Variants in PLPP1 observed in about 807,000 individuals in gnomAD.
PLPP1 encodes phospholipid phosphatase 1.
PLPP1 carries 24 observed loss-of-function variants against 31.2 expected under a neutral mutation model. That is an observed-to-expected ratio of 0.77 (90% confidence interval 0.56 to 1.08). PLPP1 has a LOEUF of 1.08. PLPP1 is among the 50% of genes least tolerant of loss of function. The pLI is 0.00. For synonymous variants in PLPP1, 146 were observed against 126.3 expected (o/e 1.16, Z -1.05); for missense variants, 319 against 342.7 (o/e 0.93, Z 0.55).
intron 1 of PLPP1, chr5:55,530,151 A>C: frequency 1.6e-6 from 2 of 1,251,202 alleles, no homozygotes; most frequent in South Asian, 2.4e-5. Flanking sequence ...AGATGTCTAC[A>C]GCCTTCAGAT....
At chr5:55,503,117 C>A (rs1181817368) in intron 1 of PLPP1, among the ~76,000 whole-genome samples, 1 of 152,204 alleles carries the variant, frequency 6.6e-6, no homozygotes, top group Non-Finnish European at 1.5e-5. Flanking sequence ...TATCGCATCT[C>A]CACTGCAGCT....
chr5:55,513,346 T>C (rs1397004843), intron 1 of PLPP1, among the ~76,000 whole-genome samples: 2 of 143,324 alleles, frequency 1.4e-5, no homozygotes, highest in Non-Finnish European at 3.0e-5. Context: ...CTGCAACCTC[T>C]GCCTCCAGGG....
chr5:55,456,601 TCTGA>T (rs1297778193), intron 3 of PLPP1, among the ~76,000 whole-genome samples: 8 of 152,190 alleles, frequency 5.3e-5, no homozygotes, highest in Admixed American at 3.9e-4. Context: ...TTTTTAGCTT[TCTGA>T]CTTTCAAAAT....
intron 3 of PLPP1, among the ~76,000 whole-genome samples, chr5:55,457,793 G>T (rs2111756459): frequency 6.6e-6 from 1 of 151,748 alleles, no homozygotes; most frequent in Middle Eastern, 3.4e-3. Context: ...GGAGGCTGAG[G>T]CAGGAGAATC....
At position 55,441,897 on chromosome 5, in the gene PLPP1, T is replaced by C; in HGVS notation, c.503A>G (p.Tyr168Cys). The C allele has an allele frequency of 6.2e-7, 1 of 1,613,700 alleles. No individual in the cohort carries two copies. The highest frequency in any genetic ancestry group is 8.5e-7 in the Non-Finnish European group (1 of 1,179,602). Residue 168 changes from tyrosine (Y) to cysteine (C), a missense_variant, in exon 4 of 6, where the codon TAT becomes TGT. Physicochemically the swap from Tyr to Cys is radical, Grantham distance 194. Transcript: ENST00000307259. ...ERVKEGRLSF[Y>C]SGHSSFSMYC... ...CATGGAAAACGAAGAGTGGCCTGAA[T>C]AGAAGGACAACCTGGAAGAAAAAGA...
intron 1 of PLPP1, among the ~76,000 whole-genome samples, chr5:55,504,597 C>T (rs1753230094): frequency 6.6e-6 from 1 of 150,686 alleles, no homozygotes; most frequent in Non-Finnish European, 1.5e-5. Context: ...ATTTTTGTTG[C>T]CATGCAGGGC....
chr5:55,488,343 G>C (rs1370490090), intron 1 of PLPP1, among the ~76,000 whole-genome samples: 1 of 151,570 alleles, frequency 6.6e-6, no homozygotes, highest in Non-Finnish European at 1.5e-5. Flanking sequence ...TGCTCATAAT[G>C]ATATAAAAAC....
chr5:55,518,851 C>G lies in PLPP1; in HGVS notation c.58+15721G>C, dbSNP rs558949339. 8.5e-5 allele frequency among the ~76,000 whole-genome samples: 13 copies of G among 152,276 alleles called. No individual in the cohort carries two copies. In the South Asian group the frequency reaches 2.7e-3, roughly 32 times the overall value. On this transcript the variant is annotated intron_variant, in intron 1 of 5. Coordinates refer to ENST00000307259, the MANE Select transcript of PLPP1 (RefSeq NM_003711.4). ...AGATAAACAAGGAATACATCATTCT[C>G]ATTATAATTTACAATCAGTAAATGA...
intron 3 of PLPP1, among the ~76,000 whole-genome samples, chr5:55,451,856 A>G (rs1751901950): frequency 6.6e-6 from 1 of 152,136 alleles, no homozygotes; most frequent in African/African-American, 2.4e-5. Context: ...CCACTTACCC[A>G]ATAGACAAAG....
intron 3 of PLPP1, among the ~76,000 whole-genome samples, chr5:55,458,467 T>C (rs1579936959): frequency 1.3e-5 from 2 of 151,610 alleles, no homozygotes; most frequent in East Asian, 1.9e-4. Context: ...TTGTAACCCC[T>C]AGAGAAACAA....
chr5:55,425,486 A>G lies in PLPP1; in HGVS notation c.727-152T>C, dbSNP rs142002653. The G allele has an allele frequency of 4.5e-4, 309 of 679,774 alleles. No individual in the cohort carries two copies. In the African/African-American group the frequency reaches 5.1e-3, roughly 11 times the overall value. The allele number at this position is 679,774 out of a possible 1,614,324, so 42.1% of individuals were successfully genotyped here. A position where few individuals can be genotyped will look rare whatever the true frequency, so the allele number is the denominator to read the frequency against. On this transcript the variant is annotated intron_variant, in intron 5 of 5. Transcript: ENST00000307259. ...TATAAAAAATTAGAGACTAACTGGG[A>G]TTTTTTAAAGATTATTCCAAATTAA...
intron 3 of PLPP1, among the ~76,000 whole-genome samples, chr5:55,464,717 A>ACAT (rs1000312090): frequency 6.6e-6 from 1 of 152,204 alleles, no homozygotes; most frequent in Admixed American, 6.5e-5. Context: ...GGCAGACACA[A>ACAT]CAAAGTACTC....
chr5:55,425,748 C>G, intron 5 of PLPP1, 115 bp downstream of exon 5: 1 of 959,790 alleles, frequency 1.0e-6, no homozygotes, highest in East Asian at 2.7e-5. Flanking sequence ...CATTGAGATT[C>G]TTGCCCACTG....
intron 4 of PLPP1, among the ~76,000 whole-genome samples, chr5:55,430,195 A>G (rs904983969): frequency 1.3e-5 from 2 of 152,204 alleles, no homozygotes; most frequent in Middle Eastern, 3.4e-3. Flanking sequence ...CACTGCCCGC[A>G]CCACACCTGC....
intron 1 of PLPP1, among the ~76,000 whole-genome samples, chr5:55,506,748 T>C (rs952743078): frequency 4.6e-5 from 7 of 152,178 alleles, no homozygotes; most frequent in African/African-American, 1.2e-4. Flanking sequence ...TCTACATGTA[T>C]ATTTGGATCT....
At chr5:55,478,328 G>A (rs145987154) in intron 1 of PLPP1, among the ~76,000 whole-genome samples, 31 of 152,288 alleles carry the variant, frequency 2.0e-4, no homozygotes, top group African/African-American at 7.5e-4. Flanking sequence ...TAAACCCACT[G>A]TGCAAGGAAT....
chr5:55,497,212 A>C (rs1260473392), intron 1 of PLPP1, among the ~76,000 whole-genome samples: 1 of 152,170 alleles, frequency 6.6e-6, no homozygotes, highest in Non-Finnish European at 1.5e-5. Flanking sequence ...AAAGGAAAAA[A>C]GACTAAAAGA....
At chr5:55,520,821 G>C (rs906317994) in intron 1 of PLPP1, among the ~76,000 whole-genome samples, 1 of 152,220 alleles carries the variant, frequency 6.6e-6, no homozygotes, top group Admixed American at 6.5e-5. Context: ...AATTATTTCA[G>C]AATTCAGCAG....
chr5:55,529,185 T>C (rs1329253658), intron 1 of PLPP1, among the ~76,000 whole-genome samples: 2 of 152,054 alleles, frequency 1.3e-5, no homozygotes, highest in African/African-American at 4.8e-5. Context: ...CCCTATTGCT[T>C]GTCCATTTAA....
Sources: gnomAD v4.1 joint callset for allele counts (sites outside exome capture counted in the v4.1 genomes callset) on GRCh38, gnomAD v4.1.1 for gene constraint, MANE v1.5 for transcripts, NCBI Gene and HGNC (gene_info 2026-07-23, HGNC 2026-07-21) for gene names.